CTNNA3: variants seen among roughly 807,000 people sequenced by gnomAD.
CTNNA3 encodes the protein catenin alpha 3.
CTNNA3 carries 76 observed loss-of-function variants against 95.7 expected under a neutral mutation model. That is an observed-to-expected ratio of 0.79 (90% CI 0.66 to 0.96). The LOEUF is 0.96. Ranked by LOEUF, CTNNA3 falls within the 40% of genes least tolerant of loss-of-function variation. The pLI, the probability that CTNNA3 is intolerant of heterozygous loss-of-function variation, is 0.00. For missense variants in CTNNA3, 1,191 were observed against 1,089.8 expected (o/e 1.09, Z -1.31); for synonymous variants, 431 against 374.4 (o/e 1.15, Z -1.74).
intron 11 of CTNNA3, among the ~76,000 whole-genome samples, chr10:66,493,554 TTTG>T (rs913179093): frequency 6.6e-6 from 1 of 151,980 alleles, no homozygotes; most frequent in Non-Finnish European, 1.5e-5. Context: ...TTTTAATTTT[TTTG>T]TTGTTGTTGG....
At chr10:67,603,603 G>A (rs1478605722) in intron 3 of CTNNA3, among the ~76,000 whole-genome samples, 1 of 144,966 alleles carries the variant, frequency 6.9e-6, no homozygotes, top group South Asian at 2.2e-4. Context: ...ACTTTAAACC[G>A]TAAAAAAAAA....
chr10:65,944,871 T>A lies in CTNNA3; in HGVS notation c.2400+21741A>T, dbSNP rs1176769460. Among the ~76,000 whole-genome samples the A allele has an allele frequency of 5.4e-5, 8 of 146,894 alleles. No homozygotes were observed. The Admixed American group carries it at 5.6e-4, about 10-fold the overall frequency. ...AAATATCTGTCTATCTATCTATCTA[T>A]CTATCTATCTATCTATCTATCTATC... On this transcript the variant is annotated intron_variant, in intron 17 of 17. Coordinates refer to ENST00000433211, the MANE Select transcript of CTNNA3 (RefSeq NM_013266.4).
intron 10 of CTNNA3, among the ~76,000 whole-genome samples, chr10:66,566,131 C>A (rs566322131): frequency 1.3e-5 from 2 of 152,166 alleles, no homozygotes; most frequent in African/African-American, 4.8e-5. Flanking sequence ...GCTTTGGCTG[C>A]AATGTGGAGG....
At chr10:67,439,149 G>A (rs904477516) in intron 5 of CTNNA3, among the ~76,000 whole-genome samples, 1 of 152,056 alleles carries the variant, frequency 6.6e-6, no homozygotes, top group African/African-American at 2.4e-5. Context: ...TTCTGCTTGA[G>A]GAGAGGAAAG....
At chr10:66,831,689 A>G (rs1842725594) in intron 7 of CTNNA3, among the ~76,000 whole-genome samples, 1 of 152,084 alleles carries the variant, frequency 6.6e-6, no homozygotes, top group Non-Finnish European at 1.5e-5. Context: ...GCAGAGAAGA[A>G]ACAAAAAAAA....
chr10:67,031,752 A>T (rs948313692), intron 7 of CTNNA3, among the ~76,000 whole-genome samples: 1 of 152,166 alleles, frequency 6.6e-6, no homozygotes, highest in South Asian at 2.1e-4. Flanking sequence ...TGTGTTAAAG[A>T]TCTAAGAAAT....
At chr10:67,011,356 A>T (rs1049959842) in intron 7 of CTNNA3, among the ~76,000 whole-genome samples, 1 of 151,410 alleles carries the variant, frequency 6.6e-6, no homozygotes, top group Admixed American at 6.6e-5. Context: ...AAAAAAAAAA[A>T]GCTAGCCTGT....
At chr10:67,223,980 G>A (rs1864777565) in intron 5 of CTNNA3, among the ~76,000 whole-genome samples, 1 of 152,122 alleles carries the variant, frequency 6.6e-6, no homozygotes, top group Non-Finnish European at 1.5e-5. Flanking sequence ...AAATTGTGTA[G>A]ATTCAAGGTG....
chr10:66,652,853 G>A (rs186503260), intron 9 of CTNNA3, among the ~76,000 whole-genome samples: 1 of 152,204 alleles, frequency 6.6e-6, no homozygotes, highest in Non-Finnish European at 1.5e-5. Flanking sequence ...ATCTAGAAAT[G>A]TGATACACCA....
chr10:66,078,395 C>T (rs1256914765), intron 14 of CTNNA3, among the ~76,000 whole-genome samples: 1 of 151,788 alleles, frequency 6.6e-6, no homozygotes, highest in Non-Finnish European at 1.5e-5. Flanking sequence ...CAAGGTTTTC[C>T]TTTGGGGATA....
At chr10:66,997,883 T>C (rs1050872758) in intron 7 of CTNNA3, among the ~76,000 whole-genome samples, 2 of 152,148 alleles carry the variant, frequency 1.3e-5, no homozygotes, top group African/African-American at 2.4e-5. Flanking sequence ...ACACTCCTAA[T>C]TGGTGATTAA....
chr10:66,516,575 TG>T (rs1564505379), intron 11 of CTNNA3, among the ~76,000 whole-genome samples: 1 of 151,910 alleles, frequency 6.6e-6, no homozygotes, highest in Non-Finnish European at 1.5e-5. Context: ...CCTGCAAAGG[TG>T]GGGGTATTTA....
intron 7 of CTNNA3, among the ~76,000 whole-genome samples, chr10:66,842,757 G>T (rs1843110055): frequency 6.6e-6 from 1 of 152,132 alleles, no homozygotes; most frequent in Admixed American, 6.5e-5. Flanking sequence ...TTGGGAAATT[G>T]TTATATTCAG....
intron 13 of CTNNA3, among the ~76,000 whole-genome samples, chr10:66,233,219 G>A: frequency 7.3e-6 from 1 of 136,724 alleles, no homozygotes; most frequent in African/African-American, 2.7e-5. Context: ...ATTTAAATAT[G>A]AAAGGAAAAA....
intron 5 of CTNNA3, among the ~76,000 whole-genome samples, chr10:67,254,470 A>C (rs1866250591): frequency 6.6e-6 from 1 of 152,152 alleles, no homozygotes; most frequent in Non-Finnish European, 1.5e-5. Context: ...AACTCATCCA[A>C]GGTAATAGGA....
chr10:67,548,936 A>T (rs1269951596), intron 3 of CTNNA3, among the ~76,000 whole-genome samples: 1 of 152,140 alleles, frequency 6.6e-6, no homozygotes, highest in African/African-American at 2.4e-5. Flanking sequence ...TGTTTTTAAA[A>T]TAGGCGAAGA....
At position 66,608,181 on chromosome 10, in the gene CTNNA3, T is replaced by G. The variant is rs891632469; in HGVS notation, c.1374+13511A>C. On this transcript the variant is annotated intron_variant, in intron 10 of 17. Transcript: ENST00000433211. ...GTCAAGTCAAGAGCCAAATCAGAAA[T>G]GCAATCCCATCCACAATTGCCACAG... Among the ~76,000 whole-genome samples, 3 of 152,158 alleles carry G rather than the reference T, an allele frequency of 2.0e-5. No individual in the cohort carries two copies. In the East Asian group the frequency reaches 5.8e-4, roughly 29 times the overall value.
intron 10 of CTNNA3, among the ~76,000 whole-genome samples, chr10:66,569,851 A>C (rs1842815443): frequency 6.6e-6 from 1 of 152,186 alleles, no homozygotes; most frequent in African/African-American, 2.4e-5. Context: ...TTCAGTAATA[A>C]AACAGTATTC....
At chr10:66,916,885 T>C (rs1219561430) in intron 7 of CTNNA3, among the ~76,000 whole-genome samples, 2 of 152,136 alleles carry the variant, frequency 1.3e-5, no homozygotes, top group African/African-American at 2.4e-5. Flanking sequence ...TGGTGGCCAA[T>C]GAAAACCCAA....
Sources: allele counts gnomAD v4.1 joint callset (sites outside exome capture counted in the v4.1 genomes callset), GRCh38; gene constraint gnomAD v4.1.1; transcripts MANE v1.5; gene names NCBI Gene and HGNC (gene_info 2026-07-23, HGNC 2026-07-21).